Variants in TMC7 observed in about 807,000 individuals in gnomAD.
TMC7 encodes transmembrane channel like 7.
A neutral mutation model predicts 82.9 loss-of-function variants in TMC7; 54 were observed. The observed-to-expected ratio is 0.65, with a 90% confidence interval of 0.52 to 0.82. The LOEUF is 0.82. Among genes scored for constraint, TMC7 ranks in the 40% least tolerant of loss-of-function variants. The pLI is 0.00. For missense variants in TMC7, 820 were observed against 901.2 expected, an observed-to-expected ratio of 0.91 and a Z score of 1.15; for synonymous variants, 350 against 337.9, an observed-to-expected ratio of 1.04 and a Z score of -0.39.
chr16:18,994,776 A>G (rs1167463917), intron 1 of TMC7, among the ~76,000 whole-genome samples: 1 of 152,144 alleles, frequency 6.6e-6, no homozygotes, highest in Admixed American at 6.6e-5. Flanking sequence ...GACAGCTAAA[A>G]TGGGGGAATT....
chr16:19,013,712 T>C (rs1000106821), intron 2 of TMC7, among the ~76,000 whole-genome samples: 4 of 151,768 alleles, frequency 2.6e-5, no homozygotes, highest in African/African-American at 9.7e-5. Flanking sequence ...AGAGACGGGG[T>C]TTCACCATGT....
chr16:18,999,413 GC>G (rs2039102230), intron 1 of TMC7, among the ~76,000 whole-genome samples: 1 of 152,242 alleles, frequency 6.6e-6, no homozygotes, highest in Admixed American at 6.5e-5. Flanking sequence ...AAGCCACCAT[GC>G]CCGCACCCCT....
chr16:19,030,653 AC>A (rs1310285729), intron 6 of TMC7, among the ~76,000 whole-genome samples: 1 of 148,356 alleles, frequency 6.7e-6, no homozygotes, highest in Non-Finnish European at 1.5e-5. Flanking sequence ...ATCTCGGCTC[AC>A]TGCAACCTCT....
intron 1 of TMC7, among the ~76,000 whole-genome samples, chr16:18,984,929 T>G (rs2038817738): frequency 6.6e-6 from 1 of 152,188 alleles, no homozygotes; most frequent in Admixed American, 6.6e-5. Flanking sequence ...ATCTGCAATG[T>G]TTTCTCTTTT....
chr16:19,050,366 C>CAAAAAAAAAAAAAA (rs71143824), intron 12 of TMC7, among the ~76,000 whole-genome samples: 1 of 83,048 alleles, frequency 1.2e-5, no homozygotes, highest in Non-Finnish European at 2.1e-5. Context: ...GATTCCGTCT[C>CAAAAAAAAAAAAAA]AAAAAAAAAA....
chr16:19,025,375 C>A (rs1026394177), intron 5 of TMC7, among the ~76,000 whole-genome samples: 1 of 152,214 alleles, frequency 6.6e-6, no homozygotes, highest in Non-Finnish European at 1.5e-5. Flanking sequence ...CCCAGCACTT[C>A]AGAGAGGCCA....
At chr16:18,999,537 G>A (rs1211773970) in intron 1 of TMC7, among the ~76,000 whole-genome samples, 3 of 152,232 alleles carry the variant, frequency 2.0e-5, no homozygotes, top group African/African-American at 7.2e-5. Flanking sequence ...GAAATGGTGT[G>A]TGGTCTTCAA....
At chr16:19,050,793 G>T (rs892238961) in intron 12 of TMC7, among the ~76,000 whole-genome samples, 1 of 151,670 alleles carries the variant, frequency 6.6e-6, no homozygotes, top group Non-Finnish European at 1.5e-5. Flanking sequence ...GAGCCACCAC[G>T]CCCGGCCTCA....
At chr16:19,017,289 TAAATG>T (rs1959741653) in intron 3 of TMC7, among the ~76,000 whole-genome samples, 1 of 151,476 alleles carries the variant, frequency 6.6e-6, no homozygotes, top group Non-Finnish European at 1.5e-5. Flanking sequence ...CTTATGCATT[TAAATG>T]AAATGCATGA....
chr16:19,039,205 C>A (rs1960899381), intron 8 of TMC7, among the ~76,000 whole-genome samples: 1 of 151,018 alleles, frequency 6.6e-6, no homozygotes, highest in South Asian at 2.1e-4. Context: ...ATTCTCCTGT[C>A]TCAGCCTCCC....
Position 19,021,663 on chromosome 16 carries a change from C to T in TMC7, c.495C>T (p.Ser165=). ...KFGTGIQSYF[S]FLRFLVLLNL... ...GCACTGGGATTCAGTCCTATTTCTC[C>T]TTCTTGAGATTCCTGGTGTTGCTGA... Residue 165 remains serine, a synonymous_variant, in exon 4 of 16, where the codon TCC becomes TCT. Coordinates refer to ENST00000304381, the MANE Select transcript of TMC7 (RefSeq NM_024847.4). 1 of 1,614,018 alleles carries T rather than the reference C, an allele frequency of 6.2e-7. No individual in the cohort carries two copies. The highest frequency in any genetic ancestry group is 8.5e-7 in the Non-Finnish European group (1 of 1,180,010).
At chr16:19,010,235 A>G (rs1046565463) in intron 2 of TMC7, among the ~76,000 whole-genome samples, 7 of 142,228 alleles carry the variant, frequency 4.9e-5, no homozygotes, top group African/African-American at 1.8e-4. Context: ...GCTCACGGCA[A>G]CCTCCACCTC....
chr16:19,005,055 A>T (rs1421119301), intron 1 of TMC7, among the ~76,000 whole-genome samples: 2 of 139,354 alleles, frequency 1.4e-5, no homozygotes, highest in Admixed American at 7.3e-5. Context: ...TAAATACTTT[A>T]TTTTATTTAT....
Position 19,062,148 on chromosome 16 carries a change from G to A in TMC7, c.*305G>A, listed in dbSNP as rs1418778928. ...ATGAAAGAGCGGAGACGGTAGTTTA[G>A]TATTTGAGCCACGAGTTTATGTGCA... On this transcript the variant is annotated 3_prime_UTR_variant, in exon 16 of 16. Coordinates refer to ENST00000304381, the MANE Select transcript of TMC7 (RefSeq NM_024847.4). 1.0e-5 allele frequency: 3 copies of A among 294,960 alleles called. No homozygotes were observed. The highest frequency in any genetic ancestry group is 2.2e-5 in the African/African-American group (1 of 46,368). The allele number at this position is 294,960 out of a possible 1,614,324, so 18.3% of individuals were successfully genotyped here.
intron 1 of TMC7, among the ~76,000 whole-genome samples, chr16:18,985,102 A>T (rs184507479): frequency 1.5e-3 from 232 of 152,190 alleles, no homozygotes; most frequent in African/African-American, 5.3e-3. Flanking sequence ...TCTACTGAAG[A>T]TACAAAAATT....
intron 12 of TMC7, 147 bp from the exon 13 acceptor site, chr16:19,051,539 C>A: frequency 2.3e-6 from 2 of 883,364 alleles, no homozygotes; most frequent in East Asian, 2.6e-5. Context: ...TGGATGAAAC[C>A]TTTTTCATTT....
chr16:19,029,320 CTTAG>C (rs1319931795), intron 5 of TMC7, among the ~76,000 whole-genome samples: 4 of 151,710 alleles, frequency 2.6e-5, no homozygotes, highest in Non-Finnish European at 5.9e-5. Context: ...TTTGCACTTC[CTTAG>C]TTAAATTTAG....
At chr16:19,051,598 T>C in intron 12 of TMC7, 88 bp from the exon 13 acceptor site, 2 of 1,491,170 alleles carry the variant, frequency 1.3e-6, no homozygotes, top group Non-Finnish European at 1.9e-6. Flanking sequence ...GTGATTAACA[T>C]TCCCACTGTA....
At chr16:18,999,765 T>C (rs1238962232) in intron 1 of TMC7, among the ~76,000 whole-genome samples, 2 of 150,160 alleles carry the variant, frequency 1.3e-5, no homozygotes, top group East Asian at 3.9e-4. Flanking sequence ...TTTTTTGTTT[T>C]TGTTTTTGTT....
Sources: allele counts gnomAD v4.1 joint callset (sites outside exome capture counted in the v4.1 genomes callset), GRCh38; gene constraint gnomAD v4.1.1; transcripts MANE v1.5; gene names NCBI Gene and HGNC (gene_info 2026-07-23, HGNC 2026-07-21).